Variants in HMCN1 observed in about 807,000 individuals in gnomAD.
HMCN1 encodes the protein hemicentin 1, also known as hemicentin-1.
In HMCN1, 321 loss-of-function variants were observed where a neutral mutation model predicts 625.9. The observed-to-expected ratio is 0.51, with a 90% CI of 0.47 to 0.56. The LOEUF (loss-of-function observed/expected upper bound fraction) is 0.56. Among genes scored for constraint, HMCN1 ranks in the 20% least tolerant of loss-of-function variants. The pLI is 0.00. For synonymous variants in HMCN1, 2,425 were observed against 2,417.6 expected (o/e 1.00, Z -0.09); for missense variants, 6,588 against 6,887.3 (o/e 0.96, Z 1.54).
At chr1:185,832,339 G>T (rs1571417718) in intron 1 of HMCN1, among the ~76,000 whole-genome samples, 1 of 151,934 alleles carries the variant, frequency 6.6e-6, no homozygotes, top group South Asian at 2.1e-4. Flanking sequence ...AAAATAATAA[G>T]CATGAATGGC....
chr1:186,078,428 AAAAC>A (rs1466326412), intron 55 of HMCN1, among the ~76,000 whole-genome samples: 11 of 152,198 alleles, frequency 7.2e-5, no homozygotes, highest in Admixed American at 2.6e-4. Flanking sequence ...GACTTAAATG[AAAAC>A]AAACAAACAA....
At chr1:186,137,062 G>A in intron 87 of HMCN1, 125 bp downstream of exon 87, 1 of 1,156,396 alleles carries the variant, frequency 8.6e-7, no homozygotes, top group Non-Finnish European at 1.3e-6. Flanking sequence ...ATGGGGAGAG[G>A]ACAAAATCAT....
Position 186,087,492 on chromosome 1 carries a change from T to C in HMCN1, c.9210T>C (p.Asn3070=). 6.2e-7 allele frequency: 1 copy of C among 1,613,336 alleles called. No individual in the cohort carries two copies. The highest frequency in any genetic ancestry group is 8.5e-7 in the Non-Finnish European group (1 of 1,179,494). The part of the protein sequence containing the change: ...DHDSESLSVV[N]VREGTSVSLE... ...ACAGTGAATCTCTTTCTGTAGTTAA[T>C]GTAAGAGAGGGAACTTCTGTGTCTT... Residue 3070 remains asparagine, a synonymous_variant, in exon 60 of 107, where the codon AAT becomes AAC. Coordinates refer to ENST00000271588, the MANE Select transcript of HMCN1 (RefSeq NM_031935.3).
intron 71 of HMCN1, among the ~76,000 whole-genome samples, chr1:186,112,251 T>A (rs934293842): frequency 6.6e-5 from 10 of 152,222 alleles, no homozygotes; most frequent in African/African-American, 1.9e-4. Context: ...GTCAGCAACC[T>A]TTCAGTTGTA....
chr1:185,745,901 A>T (rs1158440559), intron 1 of HMCN1, among the ~76,000 whole-genome samples: 1 of 152,364 alleles, frequency 6.6e-6, no homozygotes, highest in South Asian at 2.1e-4. Flanking sequence ...AGGAGACAGG[A>T]TAGAACTTAG....
chr1:186,037,798 T>G (rs1655934372), intron 36 of HMCN1, 136 bp from the exon 37 acceptor site: 2 of 665,424 alleles, frequency 3.0e-6, no homozygotes, highest in African/African-American at 3.6e-5. Context: ...AATAGTTTAC[T>G]TTTATTCCAA....
In HMCN1 at chr1:185,857,658, T is replaced by C. The variant is rs573685124; in HGVS notation, c.340-6812T>C. ...CTTTTAGAAGGTTTAGTTCTGGAAT[T>C]GTATTACTCGAAATGGGATGGGCTA... On this transcript the variant is annotated intron_variant, in intron 2 of 106. Transcript: ENST00000271588. Among the ~76,000 whole-genome samples the C allele has an allele frequency of 3.3e-5, 5 of 152,214 alleles. No individual in the cohort carries two copies. The East Asian group carries it at 9.7e-4, about 29-fold the overall frequency.
chr1:185,925,863 G>T (rs568157795), intron 9 of HMCN1, among the ~76,000 whole-genome samples: 1 of 152,290 alleles, frequency 6.6e-6, no homozygotes, highest in Admixed American at 6.5e-5. Context: ...ACAGACAGGA[G>T]GAGGCCAGTA....
chr1:185,817,836 A>C (rs148140996), intron 1 of HMCN1, among the ~76,000 whole-genome samples: 38 of 151,990 alleles, frequency 2.5e-4, no homozygotes, highest in African/African-American at 8.9e-4. Flanking sequence ...GTAGAGCACA[A>C]AAAGCTGTTT....
intron 1 of HMCN1, among the ~76,000 whole-genome samples, chr1:185,837,562 T>A (rs1196087081): frequency 6.6e-6 from 1 of 152,164 alleles, no homozygotes; most frequent in Admixed American, 6.5e-5. Context: ...TATTTATTTC[T>A]GTCAGTATTT....
At chr1:185,879,220 G>GAGTGC (rs1340134884) in intron 4 of HMCN1, among the ~76,000 whole-genome samples, 1 of 152,150 alleles carries the variant, frequency 6.6e-6, no homozygotes, top group Non-Finnish European at 1.5e-5. Context: ...GCACAGGCTA[G>GAGTGC]AGTGCAGTGT....
chr1:185,868,095 G>T (rs1196207246), intron 4 of HMCN1, among the ~76,000 whole-genome samples: 4 of 151,542 alleles, frequency 2.6e-5, no homozygotes, highest in Non-Finnish European at 5.9e-5. Context: ...AAACAAATTG[G>T]GTTAAATTTA....
chr1:185,916,903 G>C (rs1240588801), intron 6 of HMCN1, among the ~76,000 whole-genome samples: 1 of 152,050 alleles, frequency 6.6e-6, no homozygotes, highest in African/African-American at 2.4e-5. Context: ...CACTTAATGA[G>C]GAAAAAACCT....
At chr1:185,899,553 T>G (rs1665687779) in intron 4 of HMCN1, among the ~76,000 whole-genome samples, 1 of 152,134 alleles carries the variant, frequency 6.6e-6, no homozygotes, top group African/African-American at 2.4e-5. Flanking sequence ...ACTTCCCAGT[T>G]ATGTAAGCTT....
In HMCN1 at chr1:186,123,026, C is replaced by G. The variant is rs1661469210; in HGVS notation, c.12305C>G (p.Ala4102Gly). The change falls in exon 81 of 107, where the codon GCA becomes GGA. Residue 4102 changes from alanine to glycine, a missense_variant. Physicochemically the swap from Ala to Gly is moderately conservative, Grantham distance 60. Coordinates refer to ENST00000271588, the MANE Select transcript of HMCN1 (RefSeq NM_031935.3). ...AAGCCCATCACGTTATCCTGTGAAG[C>G]AGATGGCCTCCCTCCGCCTGACATT... is the stretch of plus-strand genomic sequence containing the variant. ...VDKPITLSCEADGLPPPDITW... is the reference protein window; with the variant it reads ...VDKPITLSCEGDGLPPPDITW... 6.2e-7 allele frequency: 1 copy of G among 1,614,030 alleles called. No homozygotes were observed. The highest frequency in any genetic ancestry group is 1.3e-5 in the African/African-American group (1 of 74,926).
intron 4 of HMCN1, among the ~76,000 whole-genome samples, chr1:185,872,912 T>C (rs992869534): frequency 5.9e-5 from 9 of 152,108 alleles, no homozygotes; most frequent in Non-Finnish European, 1.3e-4. Flanking sequence ...TGATCCCTAG[T>C]ATAAAATTCA....
intron 68 of HMCN1, among the ~76,000 whole-genome samples, chr1:186,097,063 G>C (rs971305408): frequency 2.1e-4 from 32 of 152,046 alleles, no homozygotes; most frequent in Non-Finnish European, 1.8e-4. Context: ...AAAAATAAAA[G>C]ACATCCAAAT....
At chr1:186,023,272 A>G in intron 36 of HMCN1, 119 bp downstream of exon 36, 1 of 858,546 alleles carries the variant, frequency 1.2e-6, no homozygotes, top group East Asian at 2.8e-5. Flanking sequence ...CTTAGTCTGT[A>G]TAAAAAAAAC....
intron 16 of HMCN1, among the ~76,000 whole-genome samples, chr1:185,979,192 G>A (rs1033609247): frequency 1.3e-5 from 2 of 152,032 alleles, no homozygotes; most frequent in African/African-American, 4.8e-5. Context: ...CATCAGATTG[G>A]GTCAGATTGT....
Sources: allele counts gnomAD v4.1 joint callset (sites outside exome capture counted in the v4.1 genomes callset), GRCh38; gene constraint gnomAD v4.1.1; transcripts MANE v1.5; gene names NCBI Gene and HGNC (gene_info 2026-07-23, HGNC 2026-07-21).